FANCC: variants seen among roughly 807,000 people sequenced by gnomAD.
The protein encoded by FANCC is FA complementation group C.
A neutral mutation model predicts 71.3 loss-of-function variants in FANCC; 55 were observed. The observed-to-expected ratio is 0.77, with a 90% CI of 0.62 to 0.97. The LOEUF (loss-of-function observed/expected upper bound fraction) is 0.97, where lower values mean the gene tolerates loss of function less well. Ranked by LOEUF, FANCC falls within the 50% of genes least tolerant of loss-of-function variation. The pLI, the probability that FANCC is intolerant of heterozygous loss-of-function variation, is 0.00. For missense variants in FANCC, 678 were observed against 670.9 expected (o/e 1.01, Z -0.12); for synonymous variants, 275 against 244.9 (o/e 1.12, Z -1.15).
chr9:95,315,052 A>G (rs1186173805), intron 1 of FANCC, among the ~76,000 whole-genome samples: 2 of 152,250 alleles, frequency 1.3e-5, no homozygotes, highest in Non-Finnish European at 2.9e-5. Flanking sequence ...CTTAATTTCA[A>G]AACTTACTAT....
At chr9:95,311,506 G>T (rs553374452) in intron 1 of FANCC, among the ~76,000 whole-genome samples, 1 of 152,136 alleles carries the variant, frequency 6.6e-6, no homozygotes, top group Admixed American at 6.5e-5. Flanking sequence ...CCTTTGAACT[G>T]AACCAGGTAA....
At chr9:95,159,334 C>T (rs531750439) in intron 6 of FANCC, among the ~76,000 whole-genome samples, 8 of 152,320 alleles carry the variant, frequency 5.3e-5, no homozygotes, top group African/African-American at 1.9e-4. Flanking sequence ...TTTCCAGCTA[C>T]ATCCATGTCC....
At chr9:95,155,293 A>T (rs1588192674) in intron 6 of FANCC, among the ~76,000 whole-genome samples, 1 of 57,282 alleles carries the variant, frequency 1.7e-5, no homozygotes, top group African/African-American at 7.4e-5. Context: ...AAGGAAGGGG[A>T]CGGAAGGGGA....
At chr9:95,145,302 TACA>T (rs1157812484) in intron 7 of FANCC, 1 of 152,064 alleles carries the variant, frequency 6.6e-6, no homozygotes, top group Non-Finnish European at 1.5e-5. Context: ...AAAACACAAA[TACA>T]ACAAAACATT....
intron 4 of FANCC, among the ~76,000 whole-genome samples, chr9:95,208,512 A>G (rs1286465519): frequency 6.6e-6 from 1 of 152,232 alleles, no homozygotes; most frequent in Non-Finnish European, 1.5e-5. Flanking sequence ...TATTTTAAAA[A>G]GACATATTCA....
At chr9:95,311,744 T>TGTGTGA (rs371454385) in intron 1 of FANCC, among the ~76,000 whole-genome samples, 5 of 150,992 alleles carry the variant, frequency 3.3e-5, no homozygotes, top group African/African-American at 9.8e-5. Context: ...TGTGTGTGTG[T>TGTGTGA]GAAAAACCGC....
At chr9:95,317,478 C>T (rs1434858599) in intron 1 of FANCC, 48 bp downstream of exon 1, 1 of 152,350 alleles carries the variant, frequency 6.6e-6, no homozygotes, top group African/African-American at 2.4e-5. Context: ...CGGCCAGACC[C>T]CCGAGGGAAG....
At position 95,228,726 on chromosome 9, in the gene FANCC, C is replaced by T. The variant is rs771890406; in HGVS notation, c.345+11923G>A. ...CAGGCCTCCATGAGGAGGTGACATC[C>T]AGCAGTGACCCAAATGGTACCCAGA... On this transcript the variant is annotated intron_variant, in intron 4 of 14. Coordinates refer to ENST00000289081, the MANE Select transcript of FANCC (RefSeq NM_000136.3). Among the ~76,000 whole-genome samples, 95 of 152,064 alleles carry T rather than the reference C, an allele frequency of 6.2e-4. 1 individual carries two copies. The highest frequency in any genetic ancestry group is 1.0e-3 in the Non-Finnish European group (70 of 68,006).
intron 8 of FANCC, among the ~76,000 whole-genome samples, chr9:95,132,404 G>A (rs1160982583): frequency 6.6e-6 from 1 of 152,242 alleles, no homozygotes; most frequent in Non-Finnish European, 1.5e-5. Context: ...TTAACAAGTG[G>A]CTTTCACTGC....
At chr9:95,291,182 T>TCTTA (rs1000894564) in intron 1 of FANCC, among the ~76,000 whole-genome samples, 3 of 152,116 alleles carry the variant, frequency 2.0e-5, no homozygotes, top group African/African-American at 7.2e-5. Flanking sequence ...CGAGGTCCAC[T>TCTTA]CTTACCACTT....
chr9:95,189,383 C>A (rs1251644359), intron 4 of FANCC, among the ~76,000 whole-genome samples: 2 of 152,168 alleles, frequency 1.3e-5, no homozygotes, highest in East Asian at 3.8e-4. Flanking sequence ...ACCCTCCCAG[C>A]GCCCGTTGTT....
chr9:95,271,022 C>T (rs771315205), intron 1 of FANCC, among the ~76,000 whole-genome samples: 3 of 152,166 alleles, frequency 2.0e-5, no homozygotes, highest in Non-Finnish European at 4.4e-5. Flanking sequence ...TAAGAATGGG[C>T]TCTGATTAGG....
At chr9:95,291,959 A>ATAT (rs1332408874) in intron 1 of FANCC, among the ~76,000 whole-genome samples, 4 of 106,620 alleles carry the variant, frequency 3.8e-5, no homozygotes, top group African/African-American at 1.3e-4. Flanking sequence ...AAAAAAAAAA[A>ATAT]AAAAAAAAAT....
chr9:95,205,976 TA>T (rs1289031738), intron 4 of FANCC, among the ~76,000 whole-genome samples: 4 of 152,200 alleles, frequency 2.6e-5, no homozygotes, highest in African/African-American at 9.7e-5. Context: ...GAAAAGTTGC[TA>T]ACTTCTCCAA....
At chr9:95,124,103 C>CAAAA (rs139226812) in intron 10 of FANCC, among the ~76,000 whole-genome samples, 1 of 43,542 alleles carries the variant, frequency 2.3e-5, no homozygotes, top group Non-Finnish European at 4.0e-5. Context: ...AACCTTGTCT[C>CAAAA]AAAAAAAAAA....
intron 4 of FANCC, among the ~76,000 whole-genome samples, chr9:95,172,514 C>T (rs1015505622): frequency 2.0e-5 from 3 of 151,682 alleles, no homozygotes; most frequent in Non-Finnish European, 2.9e-5. Context: ...GGTAACGTGC[C>T]GATGTCATAC....
intron 7 of FANCC, among the ~76,000 whole-genome samples, chr9:95,146,695 C>T (rs4647502): frequency 6.6e-6 from 1 of 151,876 alleles, no homozygotes; most frequent in African/African-American, 2.4e-5. Context: ...TTATACCACA[C>T]AGTGGATTCA....
intron 1 of FANCC, chr9:95,293,210 C>A: frequency 6.2e-7 from 1 of 1,612,864 alleles, no homozygotes; most frequent in South Asian, 1.1e-5. Context: ...GAGATAGCCT[C>A]AAAAGTTGCT....
At position 95,100,987 on chromosome 9, in the gene FANCC, C is replaced by G. The variant is rs1294273619; in HGVS notation, c.*720G>C. The G allele has an allele frequency of 4.3e-6, 1 of 233,292 alleles. No homozygotes were observed. Among genetic ancestry groups the G allele is most frequent in the Non-Finnish European group, 8.5e-6 (1 of 118,164 alleles). 14.5% of individuals were successfully genotyped at this position (233,292 alleles called of 1,614,324 possible). A position where few individuals can be genotyped will look rare whatever the true frequency, so the allele number is the denominator to read the frequency against. On this transcript the variant is annotated 3_prime_UTR_variant, in exon 15 of 15. Coordinates refer to ENST00000289081, the MANE Select transcript of FANCC (RefSeq NM_000136.3). The stretch of plus-strand genomic sequence containing the variant: ...CATTTCCATTTAACAAGAGAACTAA[C>G]TAACTGAATTAATCCTGCCTTCTAA...
Sources: allele counts gnomAD v4.1 joint callset (sites outside exome capture counted in the v4.1 genomes callset), GRCh38; gene constraint gnomAD v4.1.1; transcripts MANE v1.5; gene names NCBI Gene and HGNC (gene_info 2026-07-23, HGNC 2026-07-21).